The following SAMD3 variants were observed in gnomAD, a reference collection of about 807,000 sequenced individuals.
SAMD3 encodes the protein sterile alpha motif domain containing 3.
A neutral mutation model predicts 58.5 loss-of-function variants in SAMD3; 63 were observed. The ratio of observed to expected loss-of-function variants is 1.08; its 90% CI spans 0.88 to 1.33. The LOEUF (loss-of-function observed/expected upper bound fraction) is 1.33. Ranked by LOEUF, SAMD3 falls within the 40% of genes most tolerant of loss-of-function variation. The pLI, the probability that SAMD3 is intolerant of heterozygous loss-of-function variation, is 0.00. For synonymous variants in SAMD3, 220 were observed against 210.3 expected (o/e 1.05, Z -0.40); for missense variants, 604 against 608.4 (o/e 0.99, Z 0.08).
intron 2 of SAMD3, chr6:130,215,866 AGAG>A: frequency 6.5e-7 from 1 of 1,530,372 alleles, no homozygotes; most frequent in Non-Finnish European, 8.8e-7. Context: ...GTTAGCAAGA[AGAG>A]GAAGTAGGAC....
chr6:130,321,644 A>G (rs1452777703), intron 1 of SAMD3, among the ~76,000 whole-genome samples: 6 of 152,102 alleles, frequency 3.9e-5, no homozygotes, highest in African/African-American at 9.7e-5. Context: ...GACATTTTTC[A>G]TCATTCAAAG....
intron 2 of SAMD3, among the ~76,000 whole-genome samples, chr6:130,276,728 G>C (rs1459125561): frequency 1.3e-5 from 2 of 152,052 alleles, no homozygotes; most frequent in East Asian, 3.9e-4. Flanking sequence ...TAGAGAAAGA[G>C]TTTAATTAAT....
At chr6:130,223,890 C>T (rs1162702721), upstream of SAMD3, among the ~76,000 whole-genome samples, 1 of 152,200 alleles carries the variant, frequency 6.6e-6, no homozygotes, top group Non-Finnish European at 1.5e-5. Context: ...TGTTAATCAG[C>T]TCAATTAGAT....
At chr6:130,143,562 A>ACTT (rs1788381034), downstream of SAMD3, among the ~76,000 whole-genome samples, 1 of 152,020 alleles carries the variant, frequency 6.6e-6, no homozygotes, top group African/African-American at 2.4e-5. Context: ...CCTTTCTTAA[A>ACTT]CTTAAAAAAA....
chr6:130,283,465 T>C (rs1422922788), intron 2 of SAMD3, among the ~76,000 whole-genome samples: 1 of 151,790 alleles, frequency 6.6e-6, no homozygotes. Flanking sequence ...AACCATCAAA[T>C]ACCAAAGACA....
intron 2 of SAMD3, among the ~76,000 whole-genome samples, chr6:130,310,222 G>A (rs1184235572): frequency 6.6e-6 from 1 of 152,120 alleles, no homozygotes; most frequent in Non-Finnish European, 1.5e-5. Flanking sequence ...CACCGTAATT[G>A]CTTCTGTATC....
At chr6:130,291,121 C>T (rs1383295860) in intron 2 of SAMD3, among the ~76,000 whole-genome samples, 1 of 152,114 alleles carries the variant, frequency 6.6e-6, no homozygotes, top group Non-Finnish European at 1.5e-5. Flanking sequence ...GAAGGAGTCT[C>T]ACTCTGTCGC....
rs537066801 is a variant in SAMD3, at chr6:130,326,367, A to ATTTTT, written c.-303-13279_-303-13275dup. 3.8e-3 allele frequency among the ~76,000 whole-genome samples: 493 copies of ATTTTT among 128,806 alleles called. 10 individuals carry two copies. Among genetic ancestry groups the ATTTTT allele is most frequent in the African/African-American group, 0.013 (444 of 34,412 alleles). The allele number at this position is 128,806 out of a possible 152,430, so 84.5% of individuals were successfully genotyped here. On this transcript the variant is annotated intron_variant, in intron 1 of 13. Transcript: ENST00000368134. ...TTTCCATCTCTAGAAATGCCTGGTC[A>ATTTTT]TTTTTTTTTTTTTTTTGCAAACTTC...
intron 1 of SAMD3, among the ~76,000 whole-genome samples, chr6:130,338,566 G>C (rs1306704034): frequency 6.6e-6 from 1 of 152,190 alleles, no homozygotes; most frequent in Non-Finnish European, 1.5e-5. Context: ...AGCAGCCTCA[G>C]GGGCTGAATC....
intron 4 of SAMD3, among the ~76,000 whole-genome samples, chr6:130,213,661 T>A (rs977004316): frequency 6.6e-6 from 1 of 152,260 alleles, no homozygotes; most frequent in African/African-American, 2.4e-5. Flanking sequence ...TAAAATGAAA[T>A]TTTTAATCTT....
intron 8 of SAMD3, among the ~76,000 whole-genome samples, chr6:130,164,106 AC>A (rs1790511268): frequency 6.7e-6 from 1 of 150,140 alleles, no homozygotes; most frequent in African/African-American, 2.4e-5. Flanking sequence ...AAAAAGAGGC[AC>A]AAGTTAACCT....
upstream of SAMD3, chr6:130,222,972 G>A (rs913169511): frequency 2.6e-5 from 4 of 152,194 alleles, no homozygotes; most frequent in Non-Finnish European, 5.9e-5. Flanking sequence ...CAGTACACAG[G>A]AAGCATAAGG....
chr6:130,313,876 C>T (rs895273182), intron 1 of SAMD3, among the ~76,000 whole-genome samples: 2 of 152,216 alleles, frequency 1.3e-5, no homozygotes, highest in African/African-American at 2.4e-5. Context: ...TTTCTCTGGT[C>T]TGCCAAATCA....
chr6:130,327,173 T>C (rs1318204638), intron 1 of SAMD3, among the ~76,000 whole-genome samples: 1 of 152,178 alleles, frequency 6.6e-6, no homozygotes, highest in African/African-American at 2.4e-5. Context: ...TTTATACAGA[T>C]GGACAGCTAT....
At chr6:130,344,451 G>A (rs116940099) in intron 1 of SAMD3, among the ~76,000 whole-genome samples, 2,794 of 152,172 alleles carry the variant, frequency 0.018, 23 homozygotes, top group Non-Finnish European at 0.027. Context: ...ATGTGATTTC[G>A]GCTCACTGCA....
intron 5 of SAMD3, among the ~76,000 whole-genome samples, chr6:130,204,934 A>C (rs1401504945): frequency 2.6e-5 from 4 of 152,068 alleles, no homozygotes; most frequent in Non-Finnish European, 5.9e-5. Context: ...ACAGGACTAC[A>C]TATTGAGGTG....
intron 2 of SAMD3, among the ~76,000 whole-genome samples, chr6:130,262,739 G>C (rs1774187024): frequency 6.6e-6 from 1 of 152,034 alleles, no homozygotes. Context: ...GAATTATAAG[G>C]AGCCATAAGA....
At chr6:130,270,864 G>C (rs1238648230) in intron 2 of SAMD3, among the ~76,000 whole-genome samples, 3 of 152,156 alleles carry the variant, frequency 2.0e-5, no homozygotes, top group African/African-American at 7.2e-5. Flanking sequence ...ATTTCTTAAA[G>C]TAACTGTATG....
intron 2 of SAMD3, among the ~76,000 whole-genome samples, chr6:130,310,604 T>C (rs1051931079): frequency 6.6e-6 from 1 of 152,224 alleles, no homozygotes; most frequent in Non-Finnish European, 1.5e-5. Flanking sequence ...TTATATTCTA[T>C]TTTAGTGCTA....
Sources: gnomAD v4.1 joint callset for allele counts (sites outside exome capture counted in the v4.1 genomes callset) on GRCh38, gnomAD v4.1.1 for gene constraint, MANE v1.5 for transcripts, NCBI Gene and HGNC (gene_info 2026-07-23, HGNC 2026-07-21) for gene names.